LARGE1: variants seen among roughly 807,000 people sequenced by gnomAD.
The protein encoded by LARGE1 is xylosyl- and glucuronyltransferase LARGE1.
In LARGE1, 43 loss-of-function variants were observed where a neutral mutation model predicts 87.6. The ratio of observed to expected loss-of-function variants is 0.49; its 90% CI spans 0.38 to 0.63. The LOEUF (loss-of-function observed/expected upper bound fraction) is 0.63. LARGE1 is among the 30% of genes least tolerant of loss of function. The probability of loss-of-function intolerance (pLI) is 0.00; values close to 1 mark genes in which losing one functional copy is unlikely to be tolerated. For synonymous variants in LARGE1, 434 were observed against 394.6 expected (o/e 1.10, Z -1.18); for missense variants, 802 against 1,000.2 (o/e 0.80, Z 2.67).
At chr22:33,194,302 T>C (rs1336337926) in intron 11 of LARGE1, among the ~76,000 whole-genome samples, 1 of 152,166 alleles carries the variant, frequency 6.6e-6, no homozygotes, top group Admixed American at 6.5e-5. Flanking sequence ...CAAAGATAAA[T>C]GGCTTATTTT....
the LARGE1 span, among the ~76,000 whole-genome samples, chr22:33,091,452 T>C: frequency 6.6e-6 from 1 of 151,922 alleles, no homozygotes; most frequent in Non-Finnish European, 1.5e-5. Flanking sequence ...CTCAGCTACT[T>C]GGGAGGCTGA....
chr22:33,801,777 G>C (rs1289603706), intron 1 of LARGE1, among the ~76,000 whole-genome samples: 1 of 152,064 alleles, frequency 6.6e-6, no homozygotes, highest in Non-Finnish European at 1.5e-5. Flanking sequence ...TCCAAGATCA[G>C]AAGAGGTACC....
At position 33,516,031 on chromosome 22, in the gene LARGE1, C is replaced by T. The variant is rs566391608; in HGVS notation, c.787+48817G>A. ...CTGCGCTTCACCAGCGTGAGAAGAG[C>T]AATCAATGATAGACAGATAAATCCA... On this transcript the variant is annotated intron_variant, in intron 6 of 14. Coordinates refer to ENST00000397394, the MANE Select transcript of LARGE1 (RefSeq NM_133642.5). Among the ~76,000 whole-genome samples, 5 of 152,286 alleles carry T rather than the reference C, an allele frequency of 3.3e-5. No homozygotes were observed. In the East Asian group the frequency reaches 9.7e-4, roughly 29 times the overall value.
At chr22:33,769,083 T>C (rs2084989793) in intron 1 of LARGE1, among the ~76,000 whole-genome samples, 1 of 152,230 alleles carries the variant, frequency 6.6e-6, no homozygotes. Flanking sequence ...CTTCCTTGAT[T>C]GCAAATTTGT....
chr22:33,611,583 T>A (rs1602707137), intron 4 of LARGE1, among the ~76,000 whole-genome samples: 1 of 152,158 alleles, frequency 6.6e-6, no homozygotes, highest in Non-Finnish European at 1.5e-5. Context: ...GGCTCACAGG[T>A]AGAAGGAACT....
intron 4 of LARGE1, among the ~76,000 whole-genome samples, chr22:33,604,865 A>G (rs149615134): frequency 2.8e-4 from 43 of 152,252 alleles, no homozygotes; most frequent in Non-Finnish European, 6.3e-4. Context: ...GAAAGCCGTA[A>G]GTAGAGCATG....
chr22:33,655,775 T>A (rs2080942186), intron 2 of LARGE1, among the ~76,000 whole-genome samples: 1 of 152,120 alleles, frequency 6.6e-6, no homozygotes, highest in Non-Finnish European at 1.5e-5. Context: ...CTAACAACTA[T>A]AACTTTTTGT....
intron 1 of LARGE1, among the ~76,000 whole-genome samples, chr22:33,766,904 A>G (rs1192921174): frequency 7.4e-6 from 1 of 134,796 alleles, no homozygotes; most frequent in Non-Finnish European, 1.6e-5. Context: ...TGACTAATTT[A>G]AACATATACA....
the LARGE1 span, among the ~76,000 whole-genome samples, chr22:33,152,217 A>T: frequency 6.6e-6 from 1 of 152,204 alleles, no homozygotes; most frequent in Non-Finnish European, 1.5e-5. Flanking sequence ...TCCTTTAGGA[A>T]CATACCAGCC....
intron 1 of LARGE1, among the ~76,000 whole-genome samples, chr22:33,793,250 A>G (rs1387044214): frequency 1.3e-5 from 2 of 152,332 alleles, no homozygotes; most frequent in East Asian, 1.9e-4. Flanking sequence ...CGGGGCTGTC[A>G]ATTTTAAAAA....
At chr22:33,540,679 C>G (rs5994772) in intron 6 of LARGE1, among the ~76,000 whole-genome samples, 1 of 151,946 alleles carries the variant, frequency 6.6e-6, no homozygotes, top group South Asian at 2.1e-4. Flanking sequence ...AGGGAGCTTT[C>G]AAAAATACGG....
intron 1 of LARGE1, among the ~76,000 whole-genome samples, chr22:33,771,720 T>C (rs958021675): frequency 6.6e-6 from 1 of 152,136 alleles, no homozygotes; most frequent in East Asian, 1.9e-4. Flanking sequence ...AATGACCTTC[T>C]TCCTATATAC....
At chr22:33,694,300 C>G (rs1300494352) in intron 2 of LARGE1, among the ~76,000 whole-genome samples, 1 of 152,190 alleles carries the variant, frequency 6.6e-6, no homozygotes, top group African/African-American at 2.4e-5. Flanking sequence ...CATAGCTATT[C>G]TGTTTCCAGC....
chr22:33,154,916 G>A, the LARGE1 span, among the ~76,000 whole-genome samples: 1 of 152,070 alleles, frequency 6.6e-6, no homozygotes, highest in African/African-American at 2.4e-5. Flanking sequence ...TTCTTGTGAT[G>A]GTGAATACGT....
In LARGE1 at chr22:33,322,079, A is replaced by C. The variant is rs563047364; in HGVS notation, c.1288-5831T>G. Among the ~76,000 whole-genome samples, 9 of 152,286 alleles carry C rather than the reference A, an allele frequency of 5.9e-5. No homozygotes were observed. The East Asian group carries it at 1.7e-3, about 29-fold the overall frequency. On this transcript the variant is annotated intron_variant, in intron 10 of 14. Coordinates refer to ENST00000397394, the MANE Select transcript of LARGE1 (RefSeq NM_133642.5). Reference sequence around the variant, plus strand: ...GGTGATCCACCCGCCTCGGCCTCCCAAAGTGCTGAGATTACGGGCATGAGC... The same window carrying C: ...GGTGATCCACCCGCCTCGGCCTCCCCAAGTGCTGAGATTACGGGCATGAGC...
intron 1 of LARGE1, among the ~76,000 whole-genome samples, chr22:33,908,814 C>A (rs2065535340): frequency 6.6e-6 from 1 of 152,132 alleles, no homozygotes; most frequent in African/African-American, 2.4e-5. Context: ...ACCGTAATCT[C>A]AAAGCAAGCT....
chr22:33,482,569 G>C (rs1272566418), intron 6 of LARGE1, among the ~76,000 whole-genome samples: 1 of 152,116 alleles, frequency 6.6e-6, no homozygotes, highest in African/African-American at 2.4e-5. Flanking sequence ...AGGGGAGAGA[G>C]AGCATTACAA....
At position 33,687,379 on chromosome 22, in the gene LARGE1, TTGC is replaced by T. The variant is rs60038461; in HGVS notation, c.107-36714_107-36712del. On this transcript the variant is annotated intron_variant, in intron 2 of 14. Coordinates refer to ENST00000397394, the MANE Select transcript of LARGE1 (RefSeq NM_133642.5). Reference sequence around the variant, plus strand: ...ATGCCTCAGTCTCCATCCCTTTACCTTGCTGCTTTTTTTTTTTTTAAATAATAT... The same window carrying T: ...ATGCCTCAGTCTCCATCCCTTTACCTTGCTTTTTTTTTTTTTAAATAATAT... Among the ~76,000 whole-genome samples the T allele has an allele frequency of 0.011, 1,525 of 144,022 alleles. 91 individuals are homozygous for T. In the East Asian group the frequency reaches 0.18, roughly 17 times the overall value. The allele number at this position is 144,022 out of a possible 152,430, so 94.5% of individuals were successfully genotyped here. A position where few individuals can be genotyped will look rare whatever the true frequency, so the allele number is the denominator to read the frequency against.
At chr22:33,176,350 C>T (rs1360705343) in intron 11 of LARGE1, among the ~76,000 whole-genome samples, 1 of 152,136 alleles carries the variant, frequency 6.6e-6, no homozygotes, top group Non-Finnish European at 1.5e-5. Flanking sequence ...AAGAAACTAT[C>T]ACCAGAGTGA....
Sources: gnomAD v4.1 joint callset for allele counts (sites outside exome capture counted in the v4.1 genomes callset) on GRCh38, gnomAD v4.1.1 for gene constraint, MANE v1.5 for transcripts, NCBI Gene and HGNC (gene_info 2026-07-23, HGNC 2026-07-21) for gene names.